The following SV2C variants were observed in gnomAD, a reference collection of about 807,000 sequenced individuals.
SV2C encodes the protein synaptic vesicle glycoprotein 2C.
In SV2C, 49 loss-of-function variants were observed where a neutral mutation model predicts 79.7. The observed-to-expected ratio is 0.61, with a 90% CI of 0.49 to 0.78. The LOEUF is 0.78. Ranked by LOEUF, SV2C falls within the 30% of genes least tolerant of loss-of-function variation. SV2C has a pLI of 0.00. For synonymous variants in SV2C, 334 were observed against 333.2 expected, an observed-to-expected ratio of 1.00 and a Z score of -0.03; for missense variants, 833 against 912.9, an observed-to-expected ratio of 0.91 and a Z score of 1.13.
At chr5:76,352,239 A>T (rs1342439425) in intron 12 of SV2C, among the ~76,000 whole-genome samples, 2 of 151,996 alleles carry the variant, frequency 1.3e-5, no homozygotes, top group Non-Finnish European at 2.9e-5. Context: ...AAACAAAAAC[A>T]TCTGCCATGT....
At chr5:75,880,735 C>T in the SV2C span, among the ~76,000 whole-genome samples, 1 of 152,202 alleles carries the variant, frequency 6.6e-6, no homozygotes, top group Non-Finnish European at 1.5e-5. Context: ...CTCTTCCAAC[C>T]TGTGCCTGTT....
intron 2 of SV2C, among the ~76,000 whole-genome samples, chr5:76,168,584 G>A (rs763106039): frequency 2.0e-5 from 3 of 152,184 alleles, no homozygotes; most frequent in Non-Finnish European, 4.4e-5. Flanking sequence ...GCTCCGGGCC[G>A]CGCTGCATTT....
intron 8 of SV2C, among the ~76,000 whole-genome samples, chr5:76,293,621 C>T (rs530624706): frequency 1.3e-5 from 2 of 152,186 alleles, no homozygotes; most frequent in East Asian, 3.9e-4. Flanking sequence ...AATGTTGTAC[C>T]CCTAAGTCAT....
chr5:76,298,399 G>T (rs1396899058), intron 9 of SV2C, among the ~76,000 whole-genome samples: 1 of 152,110 alleles, frequency 6.6e-6, no homozygotes, highest in Non-Finnish European at 1.5e-5. Flanking sequence ...TTAAGTTAGA[G>T]CCATTAACCC....
At chr5:76,121,411 G>T (rs1350138756) in intron 1 of SV2C, among the ~76,000 whole-genome samples, 1 of 151,144 alleles carries the variant, frequency 6.6e-6, no homozygotes, top group Non-Finnish European at 1.5e-5. Flanking sequence ...TGTTGCCATT[G>T]CTTTTGGTGT....
At chr5:75,991,516 C>T in the SV2C span, among the ~76,000 whole-genome samples, 47 of 149,122 alleles carry the variant, frequency 3.2e-4, no homozygotes, top group East Asian at 8.5e-3. Flanking sequence ...CTATGTAACC[C>T]AAGGTTATGC....
intron 4 of SV2C, among the ~76,000 whole-genome samples, chr5:76,216,638 T>C (rs1276974450): frequency 6.6e-6 from 1 of 152,172 alleles, no homozygotes; most frequent in Non-Finnish European, 1.5e-5. Context: ...TTCTCAAGCC[T>C]AGGCCTTCTG....
chr5:75,925,554 T>C, the SV2C span, among the ~76,000 whole-genome samples: 1 of 152,026 alleles, frequency 6.6e-6, no homozygotes, highest in East Asian at 1.9e-4. Flanking sequence ...AGGGTGGCCC[T>C]TGGGATTGAA....
intron 1 of SV2C, among the ~76,000 whole-genome samples, chr5:76,100,117 G>T (rs556137940): frequency 1.3e-5 from 2 of 151,978 alleles, no homozygotes; most frequent in South Asian, 4.1e-4. Context: ...ATAGGAAAAG[G>T]AGGAGCTTTA....
At chr5:76,096,779 C>G (rs866916877) in intron 1 of SV2C, among the ~76,000 whole-genome samples, 1 of 152,052 alleles carries the variant, frequency 6.6e-6, no homozygotes, top group African/African-American at 2.4e-5. Flanking sequence ...TAGGCCTCAC[C>G]CAATCTGTTG....
At chr5:75,885,441 A>T in the SV2C span, among the ~76,000 whole-genome samples, 1 of 152,156 alleles carries the variant, frequency 6.6e-6, no homozygotes, top group Non-Finnish European at 1.5e-5. Flanking sequence ...AGTCTTTAAA[A>T]GATTGAGATT....
chr5:76,169,372 A>G (rs1743144805), intron 2 of SV2C, among the ~76,000 whole-genome samples: 1 of 152,216 alleles, frequency 6.6e-6, no homozygotes, highest in South Asian at 2.1e-4. Flanking sequence ...GCATCTAGAC[A>G]TGATGTAATA....
At chr5:76,179,555 T>A (rs570680372) in intron 2 of SV2C, among the ~76,000 whole-genome samples, 1 of 152,348 alleles carries the variant, frequency 6.6e-6, no homozygotes, top group Non-Finnish European at 1.5e-5. Context: ...GCTTCAGTAC[T>A]GTAGGTCAGC....
the SV2C span, among the ~76,000 whole-genome samples, chr5:75,891,071 T>C: frequency 0.023 from 3,539 of 152,228 alleles, 59 homozygotes; most frequent in African/African-American, 0.053. Flanking sequence ...TGTAGTTGAC[T>C]GAATGTCTTG....
At chr5:76,128,707 A>G (rs543425077) in intron 1 of SV2C, among the ~76,000 whole-genome samples, 1 of 152,366 alleles carries the variant, frequency 6.6e-6, no homozygotes, top group African/African-American at 2.4e-5. Context: ...ACAATGCCTG[A>G]CATATAGTAA....
At chr5:76,350,928 C>T (rs924770932) in intron 12 of SV2C, among the ~76,000 whole-genome samples, 2 of 151,580 alleles carry the variant, frequency 1.3e-5, no homozygotes, top group Non-Finnish European at 2.9e-5. Flanking sequence ...GCATGAGAAT[C>T]GCTTGAACCC....
intron 4 of SV2C, among the ~76,000 whole-genome samples, chr5:76,215,973 A>T (rs1011574031): frequency 6.6e-6 from 1 of 150,942 alleles, no homozygotes; most frequent in African/African-American, 2.4e-5. Flanking sequence ...CTGGCCCCTG[A>T]CAAGCCTCTG....
At chr5:76,043,365 C>T in the SV2C span, among the ~76,000 whole-genome samples, 1 of 152,310 alleles carries the variant, frequency 6.6e-6, no homozygotes, top group Admixed American at 6.5e-5. Flanking sequence ...AAATACTGCT[C>T]TGTCTTTCTC....
the SV2C span, among the ~76,000 whole-genome samples, chr5:76,023,494 A>G: frequency 1.3e-5 from 2 of 152,096 alleles, no homozygotes; most frequent in African/African-American, 4.8e-5. Context: ...GCCATCCCAG[A>G]ACAGGAGTAC....
Sources: gnomAD v4.1 joint callset for allele counts (sites outside exome capture counted in the v4.1 genomes callset) on GRCh38, gnomAD v4.1.1 for gene constraint, MANE v1.5 for transcripts, NCBI Gene and HGNC (gene_info 2026-07-23, HGNC 2026-07-21) for gene names.